Variants in CPQ observed in about 807,000 individuals in gnomAD.
CPQ encodes carboxypeptidase Q.
In CPQ, 37 loss-of-function variants were observed where a neutral mutation model predicts 45.7. The observed-to-expected ratio is 0.81, with a 90% CI of 0.62 to 1.07. The LOEUF (loss-of-function observed/expected upper bound fraction) is 1.07. Among genes scored for constraint, CPQ ranks in the 50% least tolerant of loss-of-function variants. The pLI is 0.00. For synonymous variants in CPQ, 186 were observed against 205.8 expected, an observed-to-expected ratio of 0.90 and a Z score of 0.82; for missense variants, 537 against 572.9, an observed-to-expected ratio of 0.94 and a Z score of 0.64.
chr8:97,123,039 AAAAT>A (rs1399667510), intron 7 of CPQ, among the ~76,000 whole-genome samples: 6,138 of 75,154 alleles, frequency 0.082, 1,316 homozygotes, highest in Non-Finnish European at 0.12. Context: ...AAAATAAAAT[AAAAT>A]AAATAAAATA....
At chr8:97,102,704 G>A (rs1239869179) in intron 7 of CPQ, among the ~76,000 whole-genome samples, 1 of 151,802 alleles carries the variant, frequency 6.6e-6, no homozygotes, top group Non-Finnish European at 1.5e-5. Context: ...GAATTATGGT[G>A]CACTAAACCA....
intron 1 of CPQ, among the ~76,000 whole-genome samples, chr8:96,650,245 A>G (rs1395012219): frequency 6.6e-6 from 1 of 152,208 alleles, no homozygotes; most frequent in Non-Finnish European, 1.5e-5. Flanking sequence ...CAGGGAAAAT[A>G]AGATAAAAAT....
At chr8:96,905,551 A>G (rs1211418377) in intron 4 of CPQ, among the ~76,000 whole-genome samples, 1 of 152,138 alleles carries the variant, frequency 6.6e-6, no homozygotes, top group South Asian at 2.1e-4. Flanking sequence ...AGAAAGCAGG[A>G]TGTTGAGAGC....
intron 7 of CPQ, among the ~76,000 whole-genome samples, chr8:97,121,538 C>T (rs961264570): frequency 6.6e-6 from 1 of 152,080 alleles, no homozygotes; most frequent in African/African-American, 2.4e-5. Flanking sequence ...GCTGCCAAAA[C>T]AATAGCCAAC....
chr8:96,717,015 C>A (rs1809683124), intron 1 of CPQ, among the ~76,000 whole-genome samples: 3 of 100,830 alleles, frequency 3.0e-5, no homozygotes, highest in Admixed American at 1.2e-4. Context: ...AGCAGTATTC[C>A]ATGATATAAA....
At chr8:96,886,181 A>G (rs533589189) in intron 4 of CPQ, among the ~76,000 whole-genome samples, 1 of 152,306 alleles carries the variant, frequency 6.6e-6, no homozygotes, top group Admixed American at 6.5e-5. Flanking sequence ...CATGTTTTGC[A>G]GGACCCAGAA....
intron 4 of CPQ, among the ~76,000 whole-genome samples, chr8:96,928,344 G>C (rs539037902): frequency 9.3e-5 from 14 of 150,816 alleles, no homozygotes; most frequent in African/African-American, 3.2e-4. Context: ...TTATTAAGGG[G>C]TTATCGTTCC....
At chr8:96,943,308 C>A (rs1813147454) in intron 4 of CPQ, among the ~76,000 whole-genome samples, 1 of 152,104 alleles carries the variant, frequency 6.6e-6, no homozygotes, top group Non-Finnish European at 1.5e-5. Context: ...TGCGTGTACA[C>A]AATAATTAAG....
chr8:96,750,293 TATTTCAAAA>T (rs1031623874), intron 1 of CPQ, among the ~76,000 whole-genome samples: 28 of 151,920 alleles, frequency 1.8e-4, no homozygotes, highest in Admixed American at 1.4e-3. Flanking sequence ...TTTTTCAAAA[TATTTCAAAA>T]ATTTCAAAAA....
At chr8:96,688,807 G>A (rs1809268611) in intron 1 of CPQ, among the ~76,000 whole-genome samples, 2 of 152,056 alleles carry the variant, frequency 1.3e-5, no homozygotes, top group Admixed American at 1.3e-4. Context: ...TAACTGAAAA[G>A]CCATCTAGTG....
intron 4 of CPQ, among the ~76,000 whole-genome samples, chr8:96,926,848 C>G (rs1320006478): frequency 1.3e-5 from 2 of 151,976 alleles, no homozygotes; most frequent in Non-Finnish European, 2.9e-5. Context: ...CCCGGAGAGG[C>G]CCCAGTGTGT....
chr8:96,866,337 C>A (rs562942897), intron 3 of CPQ, among the ~76,000 whole-genome samples: 7 of 152,098 alleles, frequency 4.6e-5, no homozygotes, highest in African/African-American at 1.7e-4. Context: ...ACAAGCTCAG[C>A]AAATCTGTTG....
At chr8:97,082,416 C>T (rs553371121) in intron 7 of CPQ, among the ~76,000 whole-genome samples, 19 of 152,250 alleles carry the variant, frequency 1.2e-4, no homozygotes, top group East Asian at 3.9e-4. Flanking sequence ...GTCATTAAAA[C>T]GGGGAGAAGG....
intron 2 of CPQ, among the ~76,000 whole-genome samples, chr8:96,787,398 A>G (rs1023721818): frequency 2.6e-5 from 4 of 151,856 alleles, no homozygotes; most frequent in Non-Finnish European, 5.9e-5. Flanking sequence ...ACTGGGATAA[A>G]CCCCACTTGA....
intron 7 of CPQ, among the ~76,000 whole-genome samples, chr8:97,108,857 C>T (rs1309748962): frequency 6.6e-6 from 1 of 152,176 alleles, no homozygotes; most frequent in East Asian, 1.9e-4. Flanking sequence ...GGATTCTCCA[C>T]CACATTTTCT....
chr8:96,689,461 A>G (rs76348733), intron 1 of CPQ, among the ~76,000 whole-genome samples: 19 of 152,186 alleles, frequency 1.2e-4, no homozygotes, highest in Non-Finnish European at 2.5e-4. Flanking sequence ...CAGTACAACT[A>G]TTAGTCATTT....
chr8:97,127,935 G>A (rs574602944), intron 7 of CPQ, among the ~76,000 whole-genome samples: 4 of 152,332 alleles, frequency 2.6e-5, no homozygotes, highest in Admixed American at 2.6e-4. Flanking sequence ...CGAGACGGGG[G>A]TGGGAAGGAA....
chr8:96,951,229 A>C (rs1813260063), intron 4 of CPQ, among the ~76,000 whole-genome samples: 1 of 152,056 alleles, frequency 6.6e-6, no homozygotes, highest in African/African-American at 2.4e-5. Context: ...TTATGCTCAA[A>C]TGTGATATCA....
intron 1 of CPQ, among the ~76,000 whole-genome samples, chr8:96,721,376 C>T (rs546698583): frequency 6.6e-6 from 1 of 152,122 alleles, no homozygotes; most frequent in East Asian, 1.9e-4. Context: ...GCCCCCTTCC[C>T]AATGCCTGAA....
Sources: gnomAD v4.1 joint callset for allele counts (sites outside exome capture counted in the v4.1 genomes callset) on GRCh38, gnomAD v4.1.1 for gene constraint, MANE v1.5 for transcripts, NCBI Gene and HGNC (gene_info 2026-07-23, HGNC 2026-07-21) for gene names.